INPP5B: variants seen among roughly 807,000 people sequenced by gnomAD.
The protein encoded by INPP5B is type II inositol 1,4,5-trisphosphate 5-phosphatase.
A neutral mutation model predicts 118.5 loss-of-function variants in INPP5B; 90 were observed. The ratio of observed to expected loss-of-function variants is 0.76; its 90% CI spans 0.64 to 0.90. The LOEUF (loss-of-function observed/expected upper bound fraction) is 0.90. Ranked by LOEUF, INPP5B falls within the 40% of genes least tolerant of loss-of-function variation. The pLI is 0.00. For missense variants in INPP5B, 984 were observed against 1,125.6 expected, an observed-to-expected ratio of 0.87 and a Z score of 1.80; for synonymous variants, 385 against 418.9, an observed-to-expected ratio of 0.92 and a Z score of 0.99.
chr1:37,869,218 C>T (rs769780624), intron 19 of INPP5B, among the ~76,000 whole-genome samples: 3 of 151,950 alleles, frequency 2.0e-5, no homozygotes, highest in African/African-American at 7.3e-5. Context: ...GTCTCGAACT[C>T]CTGAGCTCAA....
intron 16 of INPP5B, among the ~76,000 whole-genome samples, chr1:37,876,426 A>C (rs746861811): frequency 2.0e-5 from 3 of 151,690 alleles, no homozygotes; most frequent in Non-Finnish European, 4.4e-5. Context: ...CCACAGATAG[A>C]TAATAAATAA....
Position 37,868,512 on chromosome 1 carries a change from C to T in INPP5B, c.2290G>A (p.Ala764Thr), listed in dbSNP as rs372406929. Residue 764 changes from alanine to threonine, a missense_variant, in exon 20 of 24, where the codon GCT becomes ACT. By Grantham distance (58) the Ala-to-Thr change is moderately conservative. Transcript: ENST00000373024. ...TAAACACAACCTACCTGCTGGACAG[C>T]ATTTCGGTACAGGTAATCAACCATC... is the stretch of plus-strand genomic sequence containing the variant. ...WMMVDYLYRN[A>T]VQQEDLFQQP... 1.9e-6 allele frequency: 3 copies of T among 1,612,440 alleles called. No homozygotes were observed. In the African/African-American group the frequency reaches 4.0e-5, roughly 22 times the overall value.
At chr1:37,893,136 C>T (rs1445291746) in intron 7 of INPP5B, among the ~76,000 whole-genome samples, 1 of 121,450 alleles carries the variant, frequency 8.2e-6, no homozygotes, top group Non-Finnish European at 1.6e-5. Context: ...GGCTGGAGTA[C>T]AGCAGCCTGA....
rs764064213 is a variant in INPP5B, at chr1:37,878,165, A to G, written c.1677+23T>C. ...AGCCAATTCCCTCCAGAATGATTAC[A>G]ACAGGTACCAGCTGCCACCTACCCC... On this transcript the variant is annotated intron_variant, in intron 16 of 23. Transcript: ENST00000373024. 6.2e-6 allele frequency: 10 copies of G among 1,613,304 alleles called. No individual in the cohort carries two copies. The East Asian group carries it at 2.0e-4, about 32-fold the overall frequency.
rs747994362 is a variant in INPP5B, at chr1:37,864,433, G to A, written c.2515-10C>T. On this transcript the variant is annotated splice_polypyrimidine_tract_variant and intron_variant, in intron 22 of 23. Coordinates refer to ENST00000373024, the MANE Select transcript of INPP5B (RefSeq NM_005540.3). ...GGAGAGTAGAAATGACCTGAAAGAG[G>A]AAGAACCGGGATTTGTCTTTTGTTC... 6.7e-7 allele frequency: 1 copy of A among 1,484,150 alleles called. No homozygotes were observed. The highest frequency in any genetic ancestry group is 9.4e-7 in the Non-Finnish European group (1 of 1,062,894). 91.9% of individuals were successfully genotyped at this position (1,484,150 alleles called of 1,614,324 possible). A position where few individuals can be genotyped will look rare whatever the true frequency, so the allele number is the denominator to read the frequency against.
intron 7 of INPP5B, among the ~76,000 whole-genome samples, chr1:37,906,248 A>G (rs1644498255): frequency 6.6e-6 from 1 of 152,180 alleles, no homozygotes; most frequent in Admixed American, 6.5e-5. Context: ...GTAATTAAAG[A>G]ATGTCACTTT....
intron 1 of INPP5B, among the ~76,000 whole-genome samples, chr1:37,946,563 T>C (rs1269195903): frequency 6.6e-6 from 1 of 152,198 alleles, no homozygotes; most frequent in African/African-American, 2.4e-5. Context: ...CAGTTTGCTA[T>C]ACTGCCTTTG....
At chr1:37,910,723 C>T (rs1644666774) in intron 7 of INPP5B, among the ~76,000 whole-genome samples, 1 of 152,152 alleles carries the variant, frequency 6.6e-6, no homozygotes, top group South Asian at 2.1e-4. Flanking sequence ...CCTATAAACT[C>T]TCCTTACAAT....
Position 37,946,345 on chromosome 1 carries a change from G to A in INPP5B, c.-26-11C>T, listed in dbSNP as rs556200065. The A allele has an allele frequency of 9.4e-6, 15 of 1,595,958 alleles. No homozygotes were observed. In the African/African-American group the frequency reaches 1.5e-4, roughly 16 times the overall value. ...CTGAGCGCACACACCCTGTGGGAGG[G>A]GAGATAGGAGCCCCGCTTTGGTCAA... is the stretch of plus-strand genomic sequence containing the variant. On this transcript the variant is annotated splice_polypyrimidine_tract_variant and intron_variant, in intron 1 of 23. Coordinates refer to ENST00000373024, the MANE Select transcript of INPP5B (RefSeq NM_005540.3).
intron 15 of INPP5B, among the ~76,000 whole-genome samples, chr1:37,879,269 T>C (rs4607835): frequency 0.34 from 49,517 of 147,594 alleles, 9,399 homozygotes; most frequent in Middle Eastern, 0.44. Flanking sequence ...AGACTCCGTC[T>C]CAAAAAAAAA....
chr1:37,917,118 G>A (rs1369687575), intron 7 of INPP5B, among the ~76,000 whole-genome samples: 1 of 149,190 alleles, frequency 6.7e-6, no homozygotes. Context: ...GTGAAACCCC[G>A]TCTCTACTAA....
chr1:37,882,284 T>C (rs1458989806), intron 14 of INPP5B, among the ~76,000 whole-genome samples: 1 of 152,088 alleles, frequency 6.6e-6, no homozygotes, highest in East Asian at 1.9e-4. Context: ...CAGATTCTCT[T>C]GTACTGTGAA....
rs540168014 is a variant in INPP5B, at chr1:37,944,801, A to AG, written c.153-909dup. On this transcript the variant is annotated intron_variant, in intron 3 of 23. Coordinates refer to ENST00000373024, the MANE Select transcript of INPP5B (RefSeq NM_005540.3). ...CGGGGAGCGGGAGGTGGGGCGGGGT[A>AG]GGGGGGGCGGTCTCGCTATGTTGCC... Among the ~76,000 whole-genome samples the AG allele has an allele frequency of 6.5e-4, 89 of 136,374 alleles. 1 individual carries two copies. Among genetic ancestry groups the AG allele is most frequent in the East Asian group, 1.3e-3 (5 of 3,910 alleles). The allele number at this position is 136,374 out of a possible 152,430, so 89.5% of individuals were successfully genotyped here.
At chr1:37,916,236 G>A (rs936207865) in intron 7 of INPP5B, among the ~76,000 whole-genome samples, 4 of 151,722 alleles carry the variant, frequency 2.6e-5, no homozygotes, top group Admixed American at 6.6e-5. Flanking sequence ...TAGGATTACA[G>A]GCACCCACCA....
At chr1:37,946,179 C>G (rs1339288911) in intron 2 of INPP5B, 73 bp downstream of exon 2, 8 of 1,397,466 alleles carry the variant, frequency 5.7e-6, no homozygotes. Flanking sequence ...AGGGGATAGA[C>G]ACCTCGACAC....
chr1:37,881,774 C>G (rs1247521118), intron 14 of INPP5B, among the ~76,000 whole-genome samples: 1 of 152,040 alleles, frequency 6.6e-6, no homozygotes. Context: ...AGTTGAGAAT[C>G]TTTTTCTTTA....
At chr1:37,866,404 T>TCACACACACACACACACACACA (rs1491111834) in intron 21 of INPP5B, 55 bp downstream of exon 21, 25 of 367,270 alleles carry the variant, frequency 6.8e-5, no homozygotes, top group South Asian at 2.4e-4. Context: ...TCTCTCTCTC[T>TCACACACACACACACACACACA]CTCACACACA....
At chr1:37,929,100 G>A (rs1645349531) in intron 7 of INPP5B, 1 of 152,012 alleles carries the variant, frequency 6.6e-6, no homozygotes, top group African/African-American at 2.4e-5. Context: ...ACTTACTGTA[G>A]GTATTACGAT....
chr1:37,925,234 C>T (rs552132972), intron 7 of INPP5B, among the ~76,000 whole-genome samples: 2 of 151,550 alleles, frequency 1.3e-5, no homozygotes, highest in South Asian at 2.1e-4. Flanking sequence ...AGTAATAGTG[C>T]ACCAAGGAAC....
Sources: allele counts gnomAD v4.1 joint callset (sites outside exome capture counted in the v4.1 genomes callset), GRCh38; gene constraint gnomAD v4.1.1; transcripts MANE v1.5; gene names NCBI Gene and HGNC (gene_info 2026-07-23, HGNC 2026-07-21).